Variants in GLRA3 observed in about 807,000 individuals in gnomAD.
GLRA3 encodes the protein glycine receptor alpha 3.
Under a neutral mutation model 60.4 loss-of-function variants are expected in GLRA3, and 44 were observed. The ratio of observed to expected loss-of-function variants is 0.73; its 90% CI spans 0.57 to 0.94. GLRA3 has a LOEUF of 0.94. Ranked by LOEUF, GLRA3 falls within the 40% of genes least tolerant of loss-of-function variation. The probability of loss-of-function intolerance (pLI) is 0.00; values close to 1 mark genes in which losing one functional copy is unlikely to be tolerated. For synonymous variants in GLRA3, 223 were observed against 192.9 expected, an observed-to-expected ratio of 1.16 and a Z score of -1.29; for missense variants, 508 against 564.6, an observed-to-expected ratio of 0.90 and a Z score of 1.02.
chr4:174,782,049 A>G (rs1738899766), intron 2 of GLRA3, among the ~76,000 whole-genome samples: 1 of 148,692 alleles, frequency 6.7e-6, no homozygotes, highest in African/African-American at 2.5e-5. Context: ...CTTGATGAAC[A>G]TTGATGCAAA....
At chr4:174,771,681 CT>C (rs548420744) in intron 2 of GLRA3, among the ~76,000 whole-genome samples, 200 of 152,094 alleles carry the variant, frequency 1.3e-3, no homozygotes, top group African/African-American at 4.5e-3. Context: ...TGATTGGGAT[CT>C]TTTTGGCTGA....
chr4:174,707,348 T>C (rs1735554412), intron 5 of GLRA3, among the ~76,000 whole-genome samples: 1 of 152,224 alleles, frequency 6.6e-6, no homozygotes, highest in Admixed American at 6.5e-5. Flanking sequence ...AAAGGTAAAG[T>C]ACTTTGTATT....
intron 3 of GLRA3, among the ~76,000 whole-genome samples, chr4:174,748,442 T>C (rs112963202): frequency 3.9e-5 from 6 of 152,202 alleles, no homozygotes; most frequent in African/African-American, 1.4e-4. Context: ...TGGGAATAAC[T>C]AGAAATAAAC....
At chr4:174,645,742 G>A (rs1176306722) in intron 9 of GLRA3, among the ~76,000 whole-genome samples, 2 of 152,016 alleles carry the variant, frequency 1.3e-5, no homozygotes, top group African/African-American at 2.4e-5. Context: ...TTGTAAGCTC[G>A]CAAAAATTGA....
chr4:174,818,418 GC>G (rs995669423), intron 1 of GLRA3, among the ~76,000 whole-genome samples: 6 of 151,906 alleles, frequency 3.9e-5, no homozygotes, highest in African/African-American at 1.5e-4. Context: ...TATGTACTTT[GC>G]CCTTTTGAAA....
chr4:174,702,919 T>C (rs1735380198), intron 5 of GLRA3, among the ~76,000 whole-genome samples: 2 of 152,202 alleles, frequency 1.3e-5, no homozygotes, highest in Admixed American at 1.3e-4. Context: ...AGTTACACAT[T>C]ATAATTACAA....
chr4:174,790,529 T>C (rs1268042744), intron 1 of GLRA3, among the ~76,000 whole-genome samples: 6 of 152,056 alleles, frequency 3.9e-5, no homozygotes, highest in South Asian at 2.1e-4. Flanking sequence ...TTGGATTTTG[T>C]AGCTACATGC....
intron 6 of GLRA3, among the ~76,000 whole-genome samples, chr4:174,678,209 A>AT (rs1013173970): frequency 2.0e-5 from 3 of 152,160 alleles, no homozygotes; most frequent in Admixed American, 1.3e-4. Context: ...ATTTACCTCT[A>AT]TTTTGGTAAG....
intron 1 of GLRA3, among the ~76,000 whole-genome samples, chr4:174,816,838 T>C (rs1055949550): frequency 6.6e-6 from 1 of 152,202 alleles, no homozygotes; most frequent in Non-Finnish European, 1.5e-5. Context: ...TAATTTTTAA[T>C]TTTAATTCTT....
intron 1 of GLRA3, among the ~76,000 whole-genome samples, chr4:174,818,147 A>C (rs1740584756): frequency 6.6e-6 from 1 of 152,144 alleles, no homozygotes; most frequent in Non-Finnish European, 1.5e-5. Context: ...TATTTCTCCA[A>C]ATTTATTCTT....
intron 1 of GLRA3, among the ~76,000 whole-genome samples, chr4:174,799,543 T>A (rs1224168646): frequency 5.9e-5 from 9 of 152,210 alleles, no homozygotes; most frequent in Admixed American, 3.3e-4. Context: ...AAAAATTGCA[T>A]TCTAGGATTC....
At chr4:174,798,354 T>C (rs1427671164) in intron 1 of GLRA3, among the ~76,000 whole-genome samples, 1 of 152,148 alleles carries the variant, frequency 6.6e-6, no homozygotes, top group Non-Finnish European at 1.5e-5. Context: ...AATTTGTAAG[T>C]AACATAAGCA....
intron 7 of GLRA3, among the ~76,000 whole-genome samples, chr4:174,660,648 C>A (rs1349807604): frequency 6.6e-6 from 1 of 152,204 alleles, no homozygotes; most frequent in African/African-American, 2.4e-5. Flanking sequence ...CTAGTTTTAA[C>A]ATTCGTTGAT....
chr4:174,770,248 A>C (rs1738326252), intron 2 of GLRA3, among the ~76,000 whole-genome samples: 1 of 152,142 alleles, frequency 6.6e-6, no homozygotes, highest in Non-Finnish European at 1.5e-5. Flanking sequence ...TCACCTGGCA[A>C]TCTTTACAAA....
intron 4 of GLRA3, among the ~76,000 whole-genome samples, chr4:174,726,640 G>A (rs1223503577): frequency 2.6e-5 from 4 of 152,124 alleles, no homozygotes; most frequent in Admixed American, 2.6e-4. Flanking sequence ...GAAAATTCTG[G>A]GAATTCACCT....
intron 3 of GLRA3, among the ~76,000 whole-genome samples, chr4:174,751,257 C>G (rs1049151744): frequency 5.9e-5 from 9 of 151,820 alleles, no homozygotes; most frequent in Non-Finnish European, 1.2e-4. Context: ...TTGTTGCCAT[C>G]GAAGGAGACA....
At chr4:174,764,784 A>G (rs536718260) in intron 3 of GLRA3, among the ~76,000 whole-genome samples, 1 of 152,210 alleles carries the variant, frequency 6.6e-6, no homozygotes, top group South Asian at 2.1e-4. Flanking sequence ...ATAGAAATAT[A>G]CTAACAAGTT....
At chr4:174,796,216 G>T (rs916364855) in intron 1 of GLRA3, among the ~76,000 whole-genome samples, 2 of 152,154 alleles carry the variant, frequency 1.3e-5, no homozygotes, top group Non-Finnish European at 2.9e-5. Flanking sequence ...ACAGTGAAAA[G>T]AGAGTGGTCA....
chr4:174,731,591 T>C (rs1486269453), intron 3 of GLRA3, among the ~76,000 whole-genome samples: 1 of 152,200 alleles, frequency 6.6e-6, no homozygotes, highest in Non-Finnish European at 1.5e-5. Context: ...GTATGTGGCC[T>C]TGAGGTAGGA....
Sources: gnomAD v4.1 joint callset for allele counts (sites outside exome capture counted in the v4.1 genomes callset) on GRCh38, gnomAD v4.1.1 for gene constraint, MANE v1.5 for transcripts, NCBI Gene and HGNC (gene_info 2026-07-23, HGNC 2026-07-21) for gene names.